The following CLINT1 variants were observed in gnomAD, a reference collection of about 807,000 sequenced individuals.
CLINT1 encodes the protein clathrin interactor 1.
Under a neutral mutation model 70.4 loss-of-function variants are expected in CLINT1, and 15 were observed. The ratio of observed to expected loss-of-function variants is 0.21; its 90% CI spans 0.14 to 0.33. The LOEUF (loss-of-function observed/expected upper bound fraction) is 0.33. CLINT1 is among the 10% of genes least tolerant of loss of function. The pLI is 1.00. For synonymous variants in CLINT1, 227 were observed against 254.7 expected, an observed-to-expected ratio of 0.89 and a Z score of 1.04; for missense variants, 615 against 778.1, an observed-to-expected ratio of 0.79 and a Z score of 2.49.
At chr5:157,840,558 T>C (rs939003322) in intron 1 of CLINT1, among the ~76,000 whole-genome samples, 2 of 144,140 alleles carry the variant, frequency 1.4e-5, no homozygotes, top group South Asian at 2.1e-4. Context: ...TTCAAATGGA[T>C]GAGGGAAGTA....
Position 157,855,168 on chromosome 5 carries a change from G to GGT in CLINT1, c.41+3761_41+3762insAC, listed in dbSNP as rs1753717426. On this transcript the variant is annotated intron_variant, in intron 1 of 11. Transcript: ENST00000411809. ...AAAAAAAAAAAAGGCGGGGGGGGGGGCGGGTCACTGATGAAAGAGATTTAC... is the reference window on the plus strand; with the variant it reads ...AAAAAAAAAAAAGGCGGGGGGGGGGGGTCGGGTCACTGATGAAAGAGATTTAC... Among the ~76,000 whole-genome samples the GGT allele has an allele frequency of 4.1e-5, 3 of 72,988 alleles. 1 individual carries two copies. The highest frequency in any genetic ancestry group is 7.4e-5 in the Non-Finnish European group (3 of 40,494). The allele number at this position is 72,988 out of a possible 152,430, so 47.9% of individuals were successfully genotyped here.
intron 1 of CLINT1, among the ~76,000 whole-genome samples, chr5:157,827,256 G>T (rs572690710): frequency 6.6e-6 from 1 of 152,036 alleles, no homozygotes; most frequent in African/African-American, 2.4e-5. Context: ...AGTTTCAAAC[G>T]ACAATCTGTC....
At chr5:157,828,062 G>GA (rs1763095422) in intron 1 of CLINT1, among the ~76,000 whole-genome samples, 1 of 152,138 alleles carries the variant, frequency 6.6e-6, no homozygotes, top group Non-Finnish European at 1.5e-5. Context: ...GAGATTAAAT[G>GA]AAATGACATG....
chr5:157,816,494 T>G (rs751384490), intron 3 of CLINT1, among the ~76,000 whole-genome samples: 13 of 152,154 alleles, frequency 8.5e-5, no homozygotes, highest in Non-Finnish European at 1.6e-4. Flanking sequence ...AACATTTTAG[T>G]AGGAAAAATT....
At chr5:157,807,764 G>A (rs1561646323) in intron 6 of CLINT1, among the ~76,000 whole-genome samples, 2 of 152,052 alleles carry the variant, frequency 1.3e-5, no homozygotes, top group African/African-American at 2.4e-5. Context: ...AATAAAAGAA[G>A]AGTAGAGAGA....
intron 1 of CLINT1, among the ~76,000 whole-genome samples, chr5:157,855,161 G>GC (rs202117286): frequency 1.5e-5 from 1 of 66,906 alleles, no homozygotes. Flanking sequence ...AAAAGGCGGG[G>GC]GGGGGGGCGG....
rs1761920411 is a variant in CLINT1, at chr5:157,791,840, G to C, written c.1243C>G (p.Pro415Ala). 1.8e-5 allele frequency: 29 copies of C among 1,613,996 alleles called. No individual in the cohort carries two copies. The highest frequency in any genetic ancestry group is 2.5e-5 in the Non-Finnish European group (29 of 1,179,886). Reference protein sequence around the residue: ...SGSQSALGPPPAASNSSDLFD... With the variant: ...SGSQSALGPPAAASNSSDLFD... ...AGGTCTGAAGAATTTGAGGCAGCAGGAGGTGGGCCTAGAGCTGATTGTGAG... is the reference window on the plus strand; with the variant it reads ...AGGTCTGAAGAATTTGAGGCAGCAGCAGGTGGGCCTAGAGCTGATTGTGAG... The change falls in exon 10 of 12, where the codon CCT (proline) becomes GCT (alanine). Residue 415 changes from proline (P) to alanine (A), a missense_variant. This residue lies in a region of CLINT1 where 374 missense variants were observed against 409.6 expected (regional missense o/e 0.91). Coordinates refer to ENST00000411809, the MANE Select transcript of CLINT1 (RefSeq NM_014666.4).
At chr5:157,835,626 A>G (rs1763394514) in intron 1 of CLINT1, among the ~76,000 whole-genome samples, 1 of 152,152 alleles carries the variant, frequency 6.6e-6, no homozygotes, top group African/African-American at 2.4e-5. Flanking sequence ...GAACTCCATG[A>G]TATCTTGGGA....
intron 1 of CLINT1, among the ~76,000 whole-genome samples, chr5:157,856,586 G>T (rs890343212): frequency 1.3e-5 from 2 of 152,128 alleles, no homozygotes; most frequent in Non-Finnish European, 2.9e-5. Context: ...GCATTATAAG[G>T]TGCACAGTCT....
chr5:157,854,407 G>A (rs937391655), intron 1 of CLINT1, among the ~76,000 whole-genome samples: 1 of 152,080 alleles, frequency 6.6e-6, no homozygotes, highest in Non-Finnish European at 1.5e-5. Context: ...AACATAGCAA[G>A]AACCCTTCTC....
At chr5:157,793,846 C>T (rs550063028) in intron 9 of CLINT1, among the ~76,000 whole-genome samples, 4 of 152,228 alleles carry the variant, frequency 2.6e-5, no homozygotes, top group South Asian at 4.1e-4. Flanking sequence ...ACAAACCTAA[C>T]CAAATATTAC....
chr5:157,853,090 G>A (rs1753627776), intron 1 of CLINT1, among the ~76,000 whole-genome samples: 1 of 152,256 alleles, frequency 6.6e-6, no homozygotes, highest in African/African-American at 2.4e-5. Context: ...GCTCATGCCT[G>A]TAATCCCAGC....
intron 1 of CLINT1, among the ~76,000 whole-genome samples, chr5:157,831,834 G>A (rs913140064): frequency 2.6e-5 from 4 of 151,798 alleles, no homozygotes; most frequent in African/African-American, 7.3e-5. Context: ...TGGGACTACA[G>A]GCGTACACCA....
intron 8 of CLINT1, among the ~76,000 whole-genome samples, chr5:157,798,751 A>G (rs1266432352): frequency 6.6e-6 from 1 of 152,162 alleles, no homozygotes; most frequent in Non-Finnish European, 1.5e-5. Context: ...AAAATGAAAT[A>G]TTATTTTCTC....
chr5:157,846,300 C>T (rs573710043), intron 1 of CLINT1, among the ~76,000 whole-genome samples: 23 of 152,316 alleles, frequency 1.5e-4, no homozygotes, highest in Admixed American at 3.9e-4. Flanking sequence ...GTCTAGTGAA[C>T]ACAACAATGA....
chr5:157,789,269 G>T, intron 11 of CLINT1, 94 bp downstream of exon 11: 1 of 1,065,054 alleles, frequency 9.4e-7, no homozygotes, highest in Non-Finnish European at 1.5e-6. Flanking sequence ...TACAATTTAT[G>T]TGATATATTT....
chr5:157,818,467 TAA>T (rs929415179), intron 1 of CLINT1, among the ~76,000 whole-genome samples: 21 of 88,326 alleles, frequency 2.4e-4, no homozygotes, highest in South Asian at 3.8e-4. Flanking sequence ...ACCTGGTCTC[TAA>T]AAAAAAAAAA....
chr5:157,853,171 A>G (rs2113338581), intron 1 of CLINT1, among the ~76,000 whole-genome samples: 1 of 152,030 alleles, frequency 6.6e-6, no homozygotes. Context: ...AAAGTGATGA[A>G]ACCCCGTCTC....
intron 1 of CLINT1, among the ~76,000 whole-genome samples, chr5:157,836,898 CT>C (rs1763441591): frequency 6.6e-6 from 1 of 152,118 alleles, no homozygotes; most frequent in Non-Finnish European, 1.5e-5. Flanking sequence ...ATTTTGTTTA[CT>C]TGCTCTTTTT....
Sources: gnomAD v4.1 joint callset for allele counts (sites outside exome capture counted in the v4.1 genomes callset) on GRCh38, gnomAD v4.1.1 for gene constraint, gnomAD v4.1.1 regional missense constraint, MANE v1.5 for transcripts, NCBI Gene and HGNC (gene_info 2026-07-23, HGNC 2026-07-21) for gene names.